Variants in PPFIBP1 observed in about 807,000 individuals in gnomAD.
PPFIBP1 encodes liprin-beta-1.
PPFIBP1 carries 112 observed loss-of-function variants against 137.8 expected under a neutral mutation model. The observed-to-expected ratio is 0.81, with a 90% CI of 0.70 to 0.95. The LOEUF (loss-of-function observed/expected upper bound fraction) is 0.95, where lower values mean the gene tolerates loss of function less well. Among genes scored for constraint, PPFIBP1 ranks in the 40% least tolerant of loss-of-function variants. The pLI is 0.00. For missense variants in PPFIBP1, 1,083 were observed against 1,196.6 expected (o/e 0.91, Z 1.40); for synonymous variants, 378 against 417.3 (o/e 0.91, Z 1.15).
At chr12:27,593,574 G>A (rs1236089545) in intron 2 of PPFIBP1, 2 of 375,652 alleles carry the variant, frequency 5.3e-6, no homozygotes, top group African/African-American at 2.1e-5. Flanking sequence ...AGTAGTTTCA[G>A]GAAACACAGC....
In PPFIBP1 at chr12:27,681,697, G is replaced by A. The variant is rs751497629; in HGVS notation, c.2046+1G>A. ...GGCTTCTCAACAAGATCTAGAGAAGGTGACTGCTTCTCTGTTTTGTTCACA... is the reference window on the plus strand; with the variant it reads ...GGCTTCTCAACAAGATCTAGAGAAGATGACTGCTTCTCTGTTTTGTTCACA... On this transcript the variant is annotated splice_donor_variant, in intron 22 of 29. Coordinates refer to ENST00000228425, the MANE Select transcript of PPFIBP1 (RefSeq NM_003622.4). LOFTEE classifies it high-confidence loss of function. The A allele has an allele frequency of 6.2e-7, 1 of 1,613,880 alleles. No homozygotes were observed. The highest frequency in any genetic ancestry group is 2.2e-5 in the East Asian group (1 of 44,870).
intron 2 of PPFIBP1, among the ~76,000 whole-genome samples, chr12:27,628,946 C>G (rs919495716): frequency 6.6e-6 from 1 of 152,170 alleles, no homozygotes; most frequent in Non-Finnish European, 1.5e-5. Context: ...AGAATTTGCT[C>G]TTTCTAGGGG....
intron 7 of PPFIBP1, among the ~76,000 whole-genome samples, chr12:27,651,297 G>A (rs1331406094): frequency 6.7e-6 from 1 of 150,230 alleles, no homozygotes; most frequent in Non-Finnish European, 1.5e-5. Flanking sequence ...TTAAGAGATA[G>A]GATCTTACTG....
intron 2 of PPFIBP1, among the ~76,000 whole-genome samples, chr12:27,619,604 C>T (rs149672086): frequency 1.3e-5 from 2 of 152,284 alleles, no homozygotes; most frequent in Admixed American, 6.5e-5. Flanking sequence ...AGTTAGTTGC[C>T]TCAGTAAATG....
At chr12:27,664,103 T>A (rs1460750855) in intron 11 of PPFIBP1, among the ~76,000 whole-genome samples, 2 of 152,248 alleles carry the variant, frequency 1.3e-5, no homozygotes, top group Non-Finnish European at 2.9e-5. Context: ...ATAGGATCTC[T>A]AAATTTAGAG....
chr12:27,638,665 C>T (rs1263150095), intron 4 of PPFIBP1, among the ~76,000 whole-genome samples: 1 of 152,134 alleles, frequency 6.6e-6, no homozygotes, highest in Non-Finnish European at 1.5e-5. Context: ...TGTTTAAGAG[C>T]AACCCTTTGC....
chr12:27,611,458 G>A (rs545540033), intron 2 of PPFIBP1, among the ~76,000 whole-genome samples: 1 of 152,128 alleles, frequency 6.6e-6, no homozygotes, highest in South Asian at 2.1e-4. Context: ...GGGCCCATCC[G>A]AATAATCTTG....
intron 2 of PPFIBP1, among the ~76,000 whole-genome samples, chr12:27,630,234 A>C (rs2138899264): frequency 6.6e-6 from 1 of 151,996 alleles, no homozygotes; most frequent in South Asian, 2.1e-4. Flanking sequence ...AACCATATCT[A>C]TATTATGTTA....
chr12:27,545,159 C>G lies in PPFIBP1; in HGVS notation c.-124+20794C>G, dbSNP rs145744839. Among the ~76,000 whole-genome samples, 1,367 of 151,564 alleles carry G rather than the reference C, an allele frequency of 9.0e-3. 6 individuals are homozygous for G. Among genetic ancestry groups the G allele is most frequent in the Non-Finnish European group, 0.013 (905 of 67,956 alleles). ...CAGAAAACCAAACACCACATGTTCT[C>G]ACTCATAAGTGGAAGTTGAACAATG... On this transcript the variant is annotated intron_variant, in intron 1 of 29. Transcript: ENST00000228425.
chr12:27,533,625 T>C (rs1409684681), intron 1 of PPFIBP1, among the ~76,000 whole-genome samples: 1 of 152,188 alleles, frequency 6.6e-6, no homozygotes, highest in Non-Finnish European at 1.5e-5. Context: ...CATATGAAGA[T>C]GTTAAGCAAG....
In PPFIBP1 at chr12:27,615,117, C is replaced by A. The variant is rs570651532; in HGVS notation, c.-35-18245C>A. On this transcript the variant is annotated intron_variant, in intron 2 of 29. Transcript: ENST00000228425. ...GGGGTTCTGAGCTTGGGCTGCTCAC[C>A]ATATTTATTGCCACTCTTTAGACCC... Among the ~76,000 whole-genome samples the A allele has an allele frequency of 2.6e-5, 4 of 152,292 alleles. No individual in the cohort carries two copies. In the South Asian group the frequency reaches 8.3e-4, roughly 32 times the overall value.
At chr12:27,666,358 A>G (rs1386280682) in intron 12 of PPFIBP1, among the ~76,000 whole-genome samples, 2 of 152,244 alleles carry the variant, frequency 1.3e-5, no homozygotes, top group African/African-American at 4.8e-5. Context: ...CAATTCTAAT[A>G]ACACTAAATT....
At chr12:27,661,584 C>A (rs1210117798) in intron 11 of PPFIBP1, among the ~76,000 whole-genome samples, 4 of 152,182 alleles carry the variant, frequency 2.6e-5, no homozygotes, top group South Asian at 2.1e-4. Flanking sequence ...GCTTACCTGA[C>A]CACGTATCTA....
Position 27,673,845 on chromosome 12 carries a change from T to TG in PPFIBP1, c.1380+19dup, listed in dbSNP as rs757355740. The TG allele has an allele frequency of 5.5e-5, 87 of 1,586,136 alleles. No homozygotes were observed. Among genetic ancestry groups the TG allele is most frequent in the East Asian group, 1.8e-4 (8 of 44,744 alleles). On this transcript the variant is annotated intron_variant, in intron 16 of 29. Coordinates refer to ENST00000228425, the MANE Select transcript of PPFIBP1 (RefSeq NM_003622.4). Reference sequence around the variant, plus strand: ...CTGATGGGGTGGGTTCTGTGTTTTTTGTTTTTTTTTGTCTGTTATCCTGAG... The same window carrying TG: ...CTGATGGGGTGGGTTCTGTGTTTTTTGGTTTTTTTTTGTCTGTTATCCTGAG...
chr12:27,692,889 CACCTGG>C lies in PPFIBP1; in HGVS notation c.*9_*14del. ...TGAAGACTCAAACGTTTGACCGTAG[CACCTGG>C]ATGAACATTAGGAGTGCTTAGTCTT... is the stretch of plus-strand genomic sequence containing the variant. On this transcript the variant is annotated 3_prime_UTR_variant, in exon 30 of 30. Coordinates refer to ENST00000228425, the MANE Select transcript of PPFIBP1 (RefSeq NM_003622.4). The C allele has an allele frequency of 6.2e-7, 1 of 1,614,054 alleles. No homozygotes were observed. The highest frequency in any genetic ancestry group is 8.5e-7 in the Non-Finnish European group (1 of 1,179,970).
intron 4 of PPFIBP1, among the ~76,000 whole-genome samples, chr12:27,644,657 G>C (rs565032412): frequency 6.6e-6 from 1 of 152,204 alleles, no homozygotes; most frequent in African/African-American, 2.4e-5. Context: ...AAGTTGTCCA[G>C]GCCACTCCAT....
chr12:27,592,771 G>C, intron 2 of PPFIBP1: 2 of 806,762 alleles, frequency 2.5e-6, no homozygotes, highest in South Asian at 3.0e-5. Context: ...TAAAGAATAT[G>C]TTAGGTAGGC....
chr12:27,591,268 A>G (rs1177155309), intron 2 of PPFIBP1, among the ~76,000 whole-genome samples: 1 of 152,098 alleles, frequency 6.6e-6, no homozygotes, highest in Non-Finnish European at 1.5e-5. Context: ...AAGGTCACAC[A>G]GGATGGTAGT....
At chr12:27,525,440 G>A (rs1943612407) in intron 1 of PPFIBP1, among the ~76,000 whole-genome samples, 1 of 150,802 alleles carries the variant, frequency 6.6e-6, no homozygotes, top group Non-Finnish European at 1.5e-5. Context: ...TCGAGGGGGC[G>A]GGGAAATTGA....
Sources: allele counts gnomAD v4.1 joint callset (sites outside exome capture counted in the v4.1 genomes callset), GRCh38; gene constraint gnomAD v4.1.1; transcripts MANE v1.5; gene names NCBI Gene and HGNC (gene_info 2026-07-23, HGNC 2026-07-21).